ERCC6L2: variants seen among roughly 807,000 people sequenced by gnomAD.
The protein encoded by ERCC6L2 is ERCC excision repair 6 like 2, also known as DNA excision repair protein ERCC-6-like 2.
In ERCC6L2, 77 loss-of-function variants were observed where a neutral mutation model predicts 132.0. The observed-to-expected ratio is 0.58, with a 90% CI of 0.49 to 0.71. The LOEUF (loss-of-function observed/expected upper bound fraction) is 0.71, where lower values mean the gene tolerates loss of function less well. Among genes scored for constraint, ERCC6L2 ranks in the 30% least tolerant of loss-of-function variants. ERCC6L2 has a pLI of 0.00. For synonymous variants in ERCC6L2, 583 were observed against 632.4 expected, an observed-to-expected ratio of 0.92 and a Z score of 1.17; for missense variants, 1,542 against 1,837.6, an observed-to-expected ratio of 0.84 and a Z score of 2.94.
intron 17 of ERCC6L2, among the ~76,000 whole-genome samples, chr9:95,978,511 A>C (rs1008104896): frequency 1.3e-5 from 2 of 152,238 alleles, no homozygotes; most frequent in African/African-American, 4.8e-5. Context: ...CATGTAGTTC[A>C]ATCAGAACCA....
At chr9:95,985,677 G>A (rs1312630889) in intron 17 of ERCC6L2, among the ~76,000 whole-genome samples, 11 of 152,132 alleles carry the variant, frequency 7.2e-5, no homozygotes, top group African/African-American at 1.9e-4. Context: ...ATCTTCCAAA[G>A]CTGTCAAGTG....
chr9:95,913,070 T>C lies in ERCC6L2; in HGVS notation c.789-2598T>C, dbSNP rs192023155. Among the ~76,000 whole-genome samples the C allele has an allele frequency of 6.6e-5, 10 of 152,324 alleles. No individual in the cohort carries two copies. In the East Asian group the frequency reaches 1.3e-3, roughly 21 times the overall value. ...ATCAGATCTCTCCATTGTAAAGATA[T>C]GTTTCTCCCTTTGTAATGATCAAAT... is the stretch of plus-strand genomic sequence containing the variant. On this transcript the variant is annotated intron_variant, in intron 4 of 18. Transcript: ENST00000653738.
chr9:95,877,968 A>G (rs968014667), intron 1 of ERCC6L2, among the ~76,000 whole-genome samples: 7 of 152,210 alleles, frequency 4.6e-5, no homozygotes, highest in African/African-American at 1.7e-4. Flanking sequence ...AAACCAGTGG[A>G]CATGATAATT....
intron 1 of ERCC6L2, among the ~76,000 whole-genome samples, chr9:95,878,598 G>A (rs1030081583): frequency 2.0e-5 from 3 of 151,598 alleles, no homozygotes; most frequent in African/African-American, 7.3e-5. Context: ...CTGGTGTGCT[G>A]CACCCATTAA....
chr9:95,993,927 CTA>C (rs1265935983), intron 17 of ERCC6L2, among the ~76,000 whole-genome samples: 9 of 152,120 alleles, frequency 5.9e-5, no homozygotes, highest in African/African-American at 2.2e-4. Flanking sequence ...AAATTTGACT[CTA>C]TGTATATTTG....
At chr9:95,999,158 A>G (rs190253567) in intron 17 of ERCC6L2, among the ~76,000 whole-genome samples, 2 of 152,292 alleles carry the variant, frequency 1.3e-5, no homozygotes, top group African/African-American at 4.8e-5. Context: ...CAGGAGATCT[A>G]GACCATCCTG....
At chr9:96,031,348 A>G (rs911657727) in intron 19 of ERCC6L2, among the ~76,000 whole-genome samples, 1 of 152,150 alleles carries the variant, frequency 6.6e-6, no homozygotes, top group African/African-American at 2.4e-5. Context: ...GGTCTCCCTA[A>G]GGAGGTGACA....
chr9:95,970,961 G>T (rs893547203), intron 15 of ERCC6L2, among the ~76,000 whole-genome samples: 5 of 151,762 alleles, frequency 3.3e-5, no homozygotes, highest in African/African-American at 1.2e-4. Context: ...TGACTAAATG[G>T]TAAGTTAAAT....
rs139879618 is a variant in ERCC6L2, at chr9:95,952,797, A to C, written c.1848-3117A>C. On this transcript the variant is annotated intron_variant, in intron 12 of 18. Coordinates refer to ENST00000653738, the MANE Select transcript of ERCC6L2 (RefSeq NM_020207.7). ...GAAGGTTGCAGTTTGCTGAGATTGC[A>C]ACACTGTGCTCCAGCCTGGGCAACA... is the stretch of plus-strand genomic sequence containing the variant. Among the ~76,000 whole-genome samples the C allele has an allele frequency of 4.7e-3, 715 of 152,166 alleles. 10 individuals are homozygous for C. Among genetic ancestry groups the C allele is most frequent in the African/African-American group, 0.016 (661 of 41,540 alleles).
intron 2 of ERCC6L2, among the ~76,000 whole-genome samples, chr9:95,894,265 A>G (rs1828325180): frequency 6.6e-6 from 1 of 152,196 alleles, no homozygotes; most frequent in Non-Finnish European, 1.5e-5. Flanking sequence ...TTATTTTTAT[A>G]CCATTGTAAA....
intron 1 of ERCC6L2, among the ~76,000 whole-genome samples, chr9:95,878,587 G>A (rs1827416763): frequency 6.6e-6 from 1 of 151,522 alleles, no homozygotes; most frequent in Non-Finnish European, 1.5e-5. Flanking sequence ...CATGTGCCAT[G>A]CTGGTGTGCT....
In ERCC6L2 at chr9:95,875,710, G is replaced by A. The variant is rs202197538; in HGVS notation, c.-329G>A. ...GAAGTCAGAGCCTAGGAAGATTTGGGGGTCGCCTTGCCGGCCTCCTGTCCT... is the reference window on the plus strand; with the variant it reads ...GAAGTCAGAGCCTAGGAAGATTTGGAGGTCGCCTTGCCGGCCTCCTGTCCT... On this transcript the variant is annotated 5_prime_UTR_variant, in exon 1 of 19. Transcript: ENST00000653738. The A allele has an allele frequency of 2.9e-4, 121 of 415,766 alleles. 1 individual carries two copies. Among genetic ancestry groups the A allele is most frequent in the Non-Finnish European group, 4.9e-4 (111 of 228,052 alleles). 25.8% of individuals were successfully genotyped at this position (415,766 alleles called of 1,614,324 possible).
rs115164091 is a variant in ERCC6L2, at chr9:95,942,430, A to T, written c.1847+881A>T. Among the ~76,000 whole-genome samples the T allele has an allele frequency of 2.5e-3, 378 of 152,256 alleles. 3 individuals carry two copies. The highest frequency in any genetic ancestry group is 8.4e-3 in the African/African-American group (351 of 41,544). ...TAGGATGCCAAGGAAAAAAGTACAT[A>T]AAAAAACAAATTAGTTCTTATAAAT... On this transcript the variant is annotated intron_variant, in intron 12 of 18. Transcript: ENST00000653738.
Position 95,972,845 on chromosome 9 carries a change from G to A in ERCC6L2, c.3094G>A (p.Asp1032Asn), listed in dbSNP as rs1588003945. 7.7e-7 allele frequency: 1 copy of A among 1,305,040 alleles called. No individual in the cohort carries two copies. Among genetic ancestry groups the A allele is most frequent in the Non-Finnish European group, 1.0e-6 (1 of 988,898 alleles). 80.8% of individuals were successfully genotyped at this position (1,305,040 alleles called of 1,614,324 possible). ...KTNQVYAANEDHNSQFIDDYS... is the reference protein window; with the variant it reads ...KTNQVYAANENHNSQFIDDYS... Reference sequence around the variant, plus strand: ...AAACCAAGTGTATGCAGCAAATGAGGATCATAACTCTCAGTTTATTGATGA... The same window carrying A: ...AAACCAAGTGTATGCAGCAAATGAGAATCATAACTCTCAGTTTATTGATGA... The change falls in exon 16 of 19, where the codon GAT becomes AAT. Residue 1032 changes from aspartate to asparagine, a missense_variant. Transcript: ENST00000653738.
At chr9:95,996,797 G>A (rs1271493271) in intron 17 of ERCC6L2, among the ~76,000 whole-genome samples, 1 of 152,174 alleles carries the variant, frequency 6.6e-6, no homozygotes, top group Admixed American at 6.5e-5. Context: ...TCAAAATATT[G>A]CTGCTAATTG....
intron 4 of ERCC6L2, among the ~76,000 whole-genome samples, chr9:95,913,894 C>T (rs145604815): frequency 6.6e-6 from 1 of 152,246 alleles, no homozygotes; most frequent in African/African-American, 2.4e-5. Flanking sequence ...TTATTTTGTC[C>T]ATTCACCAGC....
chr9:95,897,742 A>C, intron 2 of ERCC6L2, 107 bp from the exon 3 acceptor site: 1 of 1,131,416 alleles, frequency 8.8e-7, no homozygotes, highest in Admixed American at 2.5e-5. Flanking sequence ...CCCCCAACAA[A>C]TCTCTTTGTA....
intron 17 of ERCC6L2, among the ~76,000 whole-genome samples, chr9:95,984,632 T>G (rs560982719): frequency 6.6e-6 from 1 of 152,282 alleles, no homozygotes; most frequent in South Asian, 2.1e-4. Context: ...TTATTATGAT[T>G]ATATACATAT....
In ERCC6L2 at chr9:96,018,284, C is replaced by G. The variant is rs549027303; in HGVS notation, c.*5081C>G. On this transcript the variant is annotated 3_prime_UTR_variant, in exon 19 of 19. Coordinates refer to ENST00000653738, the MANE Select transcript of ERCC6L2 (RefSeq NM_020207.7). Reference sequence around the variant, plus strand: ...AATGGAAAAAAAGTAAGACCAAAAGCAACACCTCTCCAGAATGTGTGTTAT... The same window carrying G: ...AATGGAAAAAAAGTAAGACCAAAAGGAACACCTCTCCAGAATGTGTGTTAT... Among the ~76,000 whole-genome samples the G allele has an allele frequency of 3.9e-5, 6 of 152,266 alleles. No homozygotes were observed. Among genetic ancestry groups the G allele is most frequent in the African/African-American group, 1.4e-4 (6 of 41,560 alleles).
Sources: allele counts gnomAD v4.1 joint callset (sites outside exome capture counted in the v4.1 genomes callset), GRCh38; gene constraint gnomAD v4.1.1; transcripts MANE v1.5; gene names NCBI Gene and HGNC (gene_info 2026-07-23, HGNC 2026-07-21).